PCOLCE: variants seen among roughly 807,000 people sequenced by gnomAD.
PCOLCE encodes the protein procollagen C-endopeptidase enhancer 1.
In PCOLCE, 33 loss-of-function variants were observed where a neutral mutation model predicts 47.2. That is an observed-to-expected ratio of 0.70 (90% CI 0.53 to 0.93). PCOLCE has a LOEUF of 0.93. PCOLCE is among the 40% of genes least tolerant of loss of function. PCOLCE has a pLI of 0.00. For missense variants in PCOLCE, 584 were observed against 585.3 expected, an observed-to-expected ratio of 1.00 and a Z score of 0.02; for synonymous variants, 254 against 252.5, an observed-to-expected ratio of 1.01 and a Z score of -0.06.
Position 100,604,169 on chromosome 7 carries a change from G to C in PCOLCE, c.415G>C (p.Gly139Arg). ...LRMTTDEGTG[G>R]RGFLLWYSGR... ...GATGACGACGGATGAGGGCACAGGA[G>C]GACGAGGCTTCCTGCTCTGGTACAG... The change falls in exon 3 of 9, where the codon GGA becomes CGA. Residue 139 changes from glycine to arginine, a missense_variant. Transcript: ENST00000223061. The surrounding 1 kb of genome is among the most constrained non-coding windows in gnomAD (Gnocchi z 6.4). The C allele has an allele frequency of 6.2e-7, 1 of 1,613,338 alleles. No homozygotes were observed. The highest frequency in any genetic ancestry group is 8.5e-7 in the Non-Finnish European group (1 of 1,179,950).
chr7:100,605,883 C>G lies in PCOLCE; in HGVS notation c.725+71C>G. On this transcript the variant is annotated intron_variant, in intron 5 of 8. Coordinates refer to ENST00000223061, the MANE Select transcript of PCOLCE (RefSeq NM_002593.4). The surrounding 1 kb of genome is among the most constrained non-coding windows in gnomAD (Gnocchi z 6.1). ...GCACGCACGCGGCTGTTTGGAGGGG[C>G]GGGGTTCAGCTAAAGGGACGGGATC... The G allele has an allele frequency of 6.8e-7, 1 of 1,477,734 alleles. No homozygotes were observed. The highest frequency in any genetic ancestry group is 9.2e-7 in the Non-Finnish European group (1 of 1,090,364). The allele number at this position is 1,477,734 out of a possible 1,614,324, so 91.5% of individuals were successfully genotyped here.
Position 100,605,837 on chromosome 7 carries a change from C to A in PCOLCE, c.725+25C>A, listed in dbSNP as rs1299893728. The A allele has an allele frequency of 2.6e-6, 4 of 1,546,222 alleles. No homozygotes were observed. The highest frequency in any genetic ancestry group is 3.5e-6 in the Non-Finnish European group (4 of 1,143,720). ...GGTGAGGGGCGGGACCTGGGCGAGT[C>A]CGGGAGAGAGTCGGCGGACCGCACG... On this transcript the variant is annotated intron_variant, in intron 5 of 8. Transcript: ENST00000223061. This position sits in a 1 kb window ranked among gnomAD's most constrained non-coding sequence, Gnocchi z 6.1.
chr7:100,607,998 G>A lies in PCOLCE; in HGVS notation c.1245G>A (p.Glu415=). Residue 415 remains glutamate, a synonymous_variant, in exon 9 of 9, where the codon GAG becomes GAA. Coordinates refer to ENST00000223061, the MANE Select transcript of PCOLCE (RefSeq NM_002593.4). ...ACAGAGGCCCCGTCCTTCCTCCAGA[G>A]AGCTTTGTGGTTCTCCACCGGCCCA... is the stretch of plus-strand genomic sequence containing the variant. ...EENRGPVLPP[E]SFVVLHRPNQ... is the part of the protein sequence containing the mutation. The A allele has an allele frequency of 1.2e-6, 2 of 1,614,144 alleles. No homozygotes were observed. Among genetic ancestry groups the A allele is most frequent in the Non-Finnish European group, 1.7e-6 (2 of 1,180,030 alleles).
Position 100,605,303 on chromosome 7 carries a change from G to C in PCOLCE, c.588+88G>C. The C allele has an allele frequency of 7.2e-7, 1 of 1,390,052 alleles. No individual in the cohort carries two copies. Among genetic ancestry groups the C allele is most frequent in the East Asian group, 2.5e-5 (1 of 40,456 alleles). The allele number at this position is 1,390,052 out of a possible 1,614,324, so 86.1% of individuals were successfully genotyped here. On this transcript the variant is annotated intron_variant, in intron 4 of 8. Coordinates refer to ENST00000223061, the MANE Select transcript of PCOLCE (RefSeq NM_002593.4). This position sits in a 1 kb window ranked among gnomAD's most constrained non-coding sequence, Gnocchi z 6.1. Reference sequence around the variant, plus strand: ...AGCAGAGATTTATTGAAGATCTGCTGTGTCCCGAGCACTGCGCTTGCGCTG... The same window carrying C: ...AGCAGAGATTTATTGAAGATCTGCTCTGTCCCGAGCACTGCGCTTGCGCTG...
rs754088550 is a variant in PCOLCE at position 100,606,595 on chromosome 7, C to T, written c.905C>T (p.Pro302Leu). The change falls in exon 6 of 9, where the codon CCT becomes CTT. Residue 302 changes from proline (P) to leucine (L), a missense_variant. By Grantham distance (98) the Pro-to-Leu change is moderately conservative. Transcript: ENST00000223061. ...PKVKLPPKSQ[P>L]PEKTEESPSA... is the part of the protein sequence containing the mutation. ...GTCAAGCTGCCCCCCAAGTCCCAAC[C>T]TCCGGAGAAAACAGAGGAATCTCCT... The T allele has an allele frequency of 1.2e-6, 2 of 1,613,192 alleles. No homozygotes were observed. The highest frequency in any genetic ancestry group is 2.2e-5 in the East Asian group (1 of 44,840).
In PCOLCE at chr7:100,605,043, C is replaced by T. The variant is rs1404118642; in HGVS notation, c.464-48C>T. The T allele has an allele frequency of 4.8e-6, 7 of 1,467,338 alleles. No homozygotes were observed. In the Admixed American group the frequency reaches 1.0e-4, roughly 22 times the overall value. 90.9% of individuals were successfully genotyped at this position (1,467,338 alleles called of 1,614,324 possible). A position where few individuals can be genotyped will look rare whatever the true frequency, so the allele number is the denominator to read the frequency against. On this transcript the variant is annotated intron_variant, in intron 3 of 8. Coordinates refer to ENST00000223061, the MANE Select transcript of PCOLCE (RefSeq NM_002593.4). The surrounding 1 kb of genome is among the most constrained non-coding windows in gnomAD (Gnocchi z 6.1). Reference sequence around the variant, plus strand: ...AGCCTAGAGTTCTCCTGAAGCTGACCGAGGGTCTCCACCGCCCCCCACCCC... The same window carrying T: ...AGCCTAGAGTTCTCCTGAAGCTGACTGAGGGTCTCCACCGCCCCCCACCCC...
chr7:100,605,412 G>C lies in PCOLCE; in HGVS notation c.588+197G>C. 1.5e-6 allele frequency: 1 copy of C among 666,796 alleles called. No individual in the cohort carries two copies. The highest frequency in any genetic ancestry group is 2.0e-5 in the South Asian group (1 of 51,194). The allele number at this position is 666,796 out of a possible 1,614,324, so 41.3% of individuals were successfully genotyped here. ...CAACTGAGACAAGTCTCAGGAGAGC[G>C]AGGTACAGGGTCCTGGTATAACACG... On this transcript the variant is annotated intron_variant, in intron 4 of 8. Transcript: ENST00000223061. This position sits in a 1 kb window ranked among gnomAD's most constrained non-coding sequence, Gnocchi z 6.1.
In PCOLCE at chr7:100,605,822, G is replaced by C; in HGVS notation, c.725+10G>C. The C allele has an allele frequency of 6.4e-7, 1 of 1,550,820 alleles. No individual in the cohort carries two copies. Among genetic ancestry groups the C allele is most frequent in the Non-Finnish European group, 8.7e-7 (1 of 1,146,864 alleles). On this transcript the variant is annotated intron_variant, in intron 5 of 8. Coordinates refer to ENST00000223061, the MANE Select transcript of PCOLCE (RefSeq NM_002593.4). The surrounding 1 kb of genome is among the most constrained non-coding windows in gnomAD (Gnocchi z 6.1). Reference sequence around the variant, plus strand: ...GCGACGCAGTCCCGGGGTGAGGGGCGGGACCTGGGCGAGTCCGGGAGAGAG... The same window carrying C: ...GCGACGCAGTCCCGGGGTGAGGGGCCGGACCTGGGCGAGTCCGGGAGAGAG...
rs749126186 is a variant in PCOLCE at position 100,602,470 on chromosome 7, C to T, written c.14C>T (p.Ala5Val). The T allele has an allele frequency of 2.5e-6, 4 of 1,611,872 alleles. No homozygotes were observed. Among genetic ancestry groups the T allele is most frequent in the Non-Finnish European group, 1.7e-6 (2 of 1,179,206 alleles). The change falls in exon 1 of 9, where the codon GCC (alanine) becomes GTC (valine). Residue 5 changes from alanine to valine, a missense_variant. Ala to Val is a moderately conservative substitution (Grantham distance 64). Transcript: ENST00000223061. MLPA[A>V]TASLLGPLLT... ...TCCCCCGGGGCCATGCTGCCTGCAGCCACAGCCTCCCTCCTGGGGCCCCTC... is the reference window on the plus strand; with the variant it reads ...TCCCCCGGGGCCATGCTGCCTGCAGTCACAGCCTCCCTCCTGGGGCCCCTC...
intron 5 of PCOLCE, chr7:100,606,048 G>A (rs949492772): frequency 3.5e-6 from 2 of 578,818 alleles, no homozygotes. Flanking sequence ...AGGCCACCTG[G>A]CCAGGGGTAG....
Position 100,605,077 on chromosome 7 carries a change from T to C in PCOLCE, c.464-14T>C, listed in dbSNP as rs1261986227. The C allele has an allele frequency of 6.3e-7, 1 of 1,597,746 alleles. No individual in the cohort carries two copies. Among genetic ancestry groups the C allele is most frequent in the Non-Finnish European group, 8.6e-7 (1 of 1,168,750 alleles). On this transcript the variant is annotated splice_polypyrimidine_tract_variant and intron_variant, in intron 3 of 8. Transcript: ENST00000223061. The surrounding 1 kb of genome is among the most constrained non-coding windows in gnomAD (Gnocchi z 6.1). Reference sequence around the variant, plus strand: ...CCACCGCCCCCCACCCCCGCTCCTCTCTCCCCTCCCCAGAGCACCAATTTT... The same window carrying C: ...CCACCGCCCCCCACCCCCGCTCCTCCCTCCCCTCCCCAGAGCACCAATTTT...
rs756432344 is a variant in PCOLCE at position 100,606,523 on chromosome 7, C to G, written c.833C>G (p.Ala278Gly). 1 of 1,614,202 alleles carries G rather than the reference C, an allele frequency of 6.2e-7. No individual in the cohort carries two copies. Among genetic ancestry groups the G allele is most frequent in the South Asian group, 1.1e-5 (1 of 91,088 alleles). Residue 278 changes from alanine (A) to glycine (G), a missense_variant, in exon 6 of 9, where the codon GCC becomes GGC. Coordinates refer to ENST00000223061, the MANE Select transcript of PCOLCE (RefSeq NM_002593.4). ...TACAAGACCCTGCCGCGGGGCACTG[C>G]CAAAGAAGGGCAAGGGCCCGGCCCC... ...ASYKTLPRGT[A>G]KEGQGPGPKR...
chr7:100,605,109 G>T lies in PCOLCE; in HGVS notation c.482G>T (p.Gly161Val), dbSNP rs767576015. The T allele has an allele frequency of 1.2e-6, 2 of 1,611,962 alleles. No individual in the cohort carries two copies. The highest frequency in any genetic ancestry group is 1.3e-5 in the African/African-American group (1 of 74,884). ...TCCCCAGAGCACCAATTTTGCGGGG[G>T]GCGGCTGGAGAAGGCCCAGGGAACC... ...TSGTEHQFCG[G>V]RLEKAQGTLT... Residue 161 changes from glycine to valine, a missense_variant, in exon 4 of 9, where the codon GGG becomes GTG. Coordinates refer to ENST00000223061, the MANE Select transcript of PCOLCE (RefSeq NM_002593.4). The surrounding 1 kb of genome is among the most constrained non-coding windows in gnomAD (Gnocchi z 6.1).
Position 100,605,916 on chromosome 7 carries a change from C to T in PCOLCE, c.725+104C>T, listed in dbSNP as rs1187487746. On this transcript the variant is annotated intron_variant, in intron 5 of 8. Transcript: ENST00000223061. This position sits in a 1 kb window ranked among gnomAD's most constrained non-coding sequence, Gnocchi z 6.1. Reference sequence around the variant, plus strand: ...AGCTAAAGGGACGGGATCTGAACCCCAGGGCTCCAAACCGGCGAGGGGAGC... The same window carrying T: ...AGCTAAAGGGACGGGATCTGAACCCTAGGGCTCCAAACCGGCGAGGGGAGC... 13 of 1,308,158 alleles carry T rather than the reference C, an allele frequency of 9.9e-6. No homozygotes were observed. Among genetic ancestry groups the T allele is most frequent in the Admixed American group, 4.7e-5 (2 of 42,334 alleles). 81.0% of individuals were successfully genotyped at this position (1,308,158 alleles called of 1,614,324 possible). A position where few individuals can be genotyped will look rare whatever the true frequency, so the allele number is the denominator to read the frequency against.
At chr7:100,606,929 A>G (rs1802726998) in intron 6 of PCOLCE, among the ~76,000 whole-genome samples, 1 of 151,974 alleles carries the variant, frequency 6.6e-6, no homozygotes, top group African/African-American at 2.4e-5. Context: ...CATCTCTACT[A>G]AAAATACAAA....
At position 100,608,105 on chromosome 7, in the gene PCOLCE, A is replaced by C. The variant is rs1436469929; in HGVS notation, c.*2A>C. ...CGGGCTGCTGCGTCCCAGGACTGAGACGCAGGCCAGCCCCGGCCCCTAGCC... is the reference window on the plus strand; with the variant it reads ...CGGGCTGCTGCGTCCCAGGACTGAGCCGCAGGCCAGCCCCGGCCCCTAGCC... On this transcript the variant is annotated 3_prime_UTR_variant, in exon 9 of 9. Transcript: ENST00000223061. The C allele has an allele frequency of 1.9e-6, 3 of 1,613,272 alleles. No homozygotes were observed. The Admixed American group carries it at 5.0e-5, about 27-fold the overall frequency.
At position 100,605,306 on chromosome 7, in the gene PCOLCE, T is replaced by G; in HGVS notation, c.588+91T>G. Reference sequence around the variant, plus strand: ...AGAGATTTATTGAAGATCTGCTGTGTCCCGAGCACTGCGCTTGCGCTGGTG... The same window carrying G: ...AGAGATTTATTGAAGATCTGCTGTGGCCCGAGCACTGCGCTTGCGCTGGTG... On this transcript the variant is annotated intron_variant, in intron 4 of 8. Transcript: ENST00000223061. The surrounding 1 kb of genome is among the most constrained non-coding windows in gnomAD (Gnocchi z 6.1). 2 of 1,329,112 alleles carry G rather than the reference T, an allele frequency of 1.5e-6. No individual in the cohort carries two copies. Among genetic ancestry groups the G allele is most frequent in the South Asian group, 2.8e-5 (2 of 71,130 alleles). 82.3% of individuals were successfully genotyped at this position (1,329,112 alleles called of 1,614,324 possible). A position where few individuals can be genotyped will look rare whatever the true frequency, so the allele number is the denominator to read the frequency against.
Position 100,605,256 on chromosome 7 carries a change from C to A in PCOLCE, c.588+41C>A. 2.5e-6 allele frequency: 4 copies of A among 1,578,532 alleles called. No individual in the cohort carries two copies. In the African/African-American group the frequency reaches 5.4e-5, roughly 21 times the overall value. On this transcript the variant is annotated intron_variant, in intron 4 of 8. Coordinates refer to ENST00000223061, the MANE Select transcript of PCOLCE (RefSeq NM_002593.4). This position sits in a 1 kb window ranked among gnomAD's most constrained non-coding sequence, Gnocchi z 6.1. Reference sequence around the variant, plus strand: ...CCCGGGCTGCCCTAGGGGACCCAGGCGGCGCCCTCCAGCTTGCAGCCAGCA... The same window carrying A: ...CCCGGGCTGCCCTAGGGGACCCAGGAGGCGCCCTCCAGCTTGCAGCCAGCA...
Position 100,605,213 on chromosome 7 carries a change from C to T in PCOLCE, c.586C>T (p.Gln196Ter), listed in dbSNP as rs1328869968. The part of the protein sequence containing the change: ...CSWHIIAPPD[Q>*]VIALTFEKFD... ...CTGGCACATCATCGCGCCCCCGGAC[C>T]AGGTACCGACCCTCCTCCCCGGGCT... The change falls in exon 4 of 9, where the codon CAG becomes TAG. Residue 196 changes from glutamine (Q) to a stop codon, truncating the protein, a stop_gained and splice_region_variant. Coordinates refer to ENST00000223061, the MANE Select transcript of PCOLCE (RefSeq NM_002593.4). LOFTEE classifies it high-confidence loss of function. The surrounding 1 kb of genome is among the most constrained non-coding windows in gnomAD (Gnocchi z 6.1). The T allele has an allele frequency of 1.9e-6, 3 of 1,611,186 alleles. No homozygotes were observed. In the African/African-American group the frequency reaches 4.0e-5, roughly 22 times the overall value.
Sources: allele counts gnomAD v4.1 joint callset (sites outside exome capture counted in the v4.1 genomes callset), GRCh38; gene constraint gnomAD v4.1.1; non-coding constraint Gnocchi (gnomAD v3.1); transcripts MANE v1.5; gene names NCBI Gene and HGNC (gene_info 2026-07-23, HGNC 2026-07-21).